The following DYRK1A variants were observed in gnomAD, a reference collection of about 807,000 sequenced individuals.
DYRK1A encodes the protein dual specificity tyrosine-phosphorylation-regulated kinase 1A.
In DYRK1A, 9 loss-of-function variants were observed where a neutral mutation model predicts 79.7. The ratio of observed to expected loss-of-function variants is 0.11; its 90% CI spans 0.07 to 0.20. The LOEUF is 0.20. DYRK1A is among the 10% of genes least tolerant of loss of function. The pLI, the probability that DYRK1A is intolerant of heterozygous loss-of-function variation, is 1.00. For missense variants in DYRK1A, 622 were observed against 956.0 expected, an observed-to-expected ratio of 0.65 and a Z score of 4.61; for synonymous variants, 349 against 329.7, an observed-to-expected ratio of 1.06 and a Z score of -0.63.
chr21:37,492,751 G>T (rs2053137878), intron 7 of DYRK1A, among the ~76,000 whole-genome samples: 1 of 151,930 alleles, frequency 6.6e-6, no homozygotes, highest in East Asian at 1.9e-4. Flanking sequence ...ATTGTTTTAA[G>T]AAATATCATG....
chr21:37,475,236 G>A (rs1398233078), intron 3 of DYRK1A, among the ~76,000 whole-genome samples: 2 of 152,190 alleles, frequency 1.3e-5, no homozygotes, highest in Non-Finnish European at 2.9e-5. Flanking sequence ...CTTTTATTAG[G>A]TTACTTGCCT....
At chr21:37,493,229 T>G in intron 8 of DYRK1A, 66 bp downstream of exon 8, 1 of 1,501,022 alleles carries the variant, frequency 6.7e-7, no homozygotes, top group East Asian at 2.3e-5. Flanking sequence ...TCTGTGACAG[T>G]GTAATTTAAA....
At chr21:37,500,157 T>C (rs558732127) in intron 9 of DYRK1A, among the ~76,000 whole-genome samples, 9 of 152,188 alleles carry the variant, frequency 5.9e-5, no homozygotes, top group Admixed American at 2.0e-4. Context: ...GACAGTTTTG[T>C]TTTTTCAACT....
intron 1 of DYRK1A, among the ~76,000 whole-genome samples, chr21:37,390,532 G>A (rs1329009123): frequency 1.3e-5 from 2 of 152,318 alleles, no homozygotes; most frequent in East Asian, 3.9e-4. Flanking sequence ...TTTATGGGGA[G>A]AGAATGTTGC....
intron 1 of DYRK1A, among the ~76,000 whole-genome samples, chr21:37,395,487 A>G (rs2049944390): frequency 6.6e-6 from 1 of 152,198 alleles, no homozygotes; most frequent in Non-Finnish European, 1.5e-5. Flanking sequence ...GGCCCTCCAG[A>G]AGTTAATCTT....
intron 5 of DYRK1A, 170 bp downstream of exon 5, chr21:37,480,996 A>G: frequency 3.6e-6 from 2 of 556,398 alleles, no homozygotes; most frequent in South Asian, 5.7e-5. Flanking sequence ...GTGATACTGC[A>G]TCAGTAATAT....
intron 1 of DYRK1A, among the ~76,000 whole-genome samples, chr21:37,368,844 C>T (rs2049371491): frequency 6.6e-6 from 1 of 152,244 alleles, no homozygotes; most frequent in East Asian, 1.9e-4. Flanking sequence ...TGTTTAATGA[C>T]TCAGGGTTCT....
intron 1 of DYRK1A, among the ~76,000 whole-genome samples, chr21:37,387,184 A>G (rs2049777016): frequency 6.6e-6 from 1 of 152,200 alleles, no homozygotes; most frequent in African/African-American, 2.4e-5. Flanking sequence ...CTATTTTTGT[A>G]TTTGCCTTAA....
chr21:37,464,447 C>T (rs1266244401), intron 2 of DYRK1A, among the ~76,000 whole-genome samples: 1 of 152,096 alleles, frequency 6.6e-6, no homozygotes, highest in Non-Finnish European at 1.5e-5. Flanking sequence ...CCATACAGTT[C>T]AGAAGCACGT....
chr21:37,420,406 A>G (rs1401213737), intron 2 of DYRK1A, 22 bp downstream of exon 2: 19 of 1,610,642 alleles, frequency 1.2e-5, no homozygotes, highest in Non-Finnish European at 1.6e-5. Context: ...TTTGAAATAC[A>G]GTAAAACTCT....
At chr21:37,422,072 A>T (rs761908304) in intron 2 of DYRK1A, among the ~76,000 whole-genome samples, 1 of 152,160 alleles carries the variant, frequency 6.6e-6, no homozygotes, top group East Asian at 1.9e-4. Flanking sequence ...AATACAGTTT[A>T]TAGTTATCTA....
intron 2 of DYRK1A, among the ~76,000 whole-genome samples, chr21:37,428,364 A>G (rs2050684730): frequency 6.6e-6 from 1 of 152,230 alleles, no homozygotes; most frequent in Admixed American, 6.5e-5. Flanking sequence ...GAATGAACCC[A>G]TCAGCAGTCT....
intron 4 of DYRK1A, 63 bp downstream of exon 4, chr21:37,478,363 ACCTATTTAC>A: frequency 6.7e-7 from 1 of 1,501,212 alleles, no homozygotes; most frequent in South Asian, 1.2e-5. Flanking sequence ...AAAAAGTGTG[ACCTATTTAC>A]CCTAAACTTT....
At chr21:37,455,603 C>CA (rs1489092836) in intron 2 of DYRK1A, among the ~76,000 whole-genome samples, 8 of 152,156 alleles carry the variant, frequency 5.3e-5, no homozygotes, top group Non-Finnish European at 1.2e-4. Flanking sequence ...AGTCTGCTCT[C>CA]AGAGTGTCTC....
chr21:37,404,336 G>C (rs2835714), intron 1 of DYRK1A, among the ~76,000 whole-genome samples: 61,350 of 151,928 alleles, frequency 0.4, 13,042 homozygotes, highest in African/African-American at 0.53. Flanking sequence ...GAGATTTCTT[G>C]TCTGTGGCTG....
intron 1 of DYRK1A, among the ~76,000 whole-genome samples, chr21:37,381,872 CT>C (rs920480033): frequency 3.3e-5 from 5 of 152,100 alleles, no homozygotes; most frequent in African/African-American, 1.2e-4. Context: ...CATTTGGATT[CT>C]TTTTGGCTTT....
intron 2 of DYRK1A, among the ~76,000 whole-genome samples, chr21:37,447,497 C>T (rs1180033935): frequency 1.3e-5 from 2 of 152,134 alleles, no homozygotes; most frequent in African/African-American, 4.8e-5. Context: ...TATAGCCCTA[C>T]TCATTGGTTT....
chr21:37,492,678 A>G (rs184178776), intron 7 of DYRK1A, among the ~76,000 whole-genome samples: 13 of 152,346 alleles, frequency 8.5e-5, no homozygotes. Context: ...CATAGTAGGA[A>G]GAAATAATTA....
intron 1 of DYRK1A, among the ~76,000 whole-genome samples, chr21:37,412,025 T>G (rs1323351667): frequency 1.3e-5 from 2 of 152,196 alleles, no homozygotes; most frequent in Non-Finnish European, 2.9e-5. Flanking sequence ...CACCAAGTAG[T>G]AGATAATACC....
Sources: gnomAD v4.1 joint callset for allele counts (sites outside exome capture counted in the v4.1 genomes callset) on GRCh38, gnomAD v4.1.1 for gene constraint, MANE v1.5 for transcripts, NCBI Gene and HGNC (gene_info 2026-07-23, HGNC 2026-07-21) for gene names.